The following SNCAIP variants were observed in gnomAD, a reference collection of about 807,000 sequenced individuals.
The protein encoded by SNCAIP is synphilin-1.
SNCAIP carries 43 observed loss-of-function variants against 86.7 expected under a neutral mutation model. The observed-to-expected ratio is 0.50, with a 90% CI of 0.39 to 0.64. SNCAIP has a LOEUF of 0.64. Ranked by LOEUF, SNCAIP falls within the 30% of genes least tolerant of loss-of-function variation. SNCAIP has a pLI of 0.00. For missense variants in SNCAIP, 981 were observed against 1,103.1 expected, an observed-to-expected ratio of 0.89 and a Z score of 1.57; for synonymous variants, 417 against 427.2, an observed-to-expected ratio of 0.98 and a Z score of 0.29.
At chr5:122,317,425 GA>G (rs1200945611) in intron 1 of SNCAIP, among the ~76,000 whole-genome samples, 2 of 152,224 alleles carry the variant, frequency 1.3e-5, no homozygotes, top group African/African-American at 4.8e-5. Flanking sequence ...GAGAAAAAGA[GA>G]ATTCAGGATT....
intron 3 of SNCAIP, among the ~76,000 whole-genome samples, chr5:122,406,068 TG>T (rs1161354429): frequency 1.3e-5 from 2 of 152,152 alleles, no homozygotes; most frequent in African/African-American, 4.8e-5. Context: ...GCTGGGAAAC[TG>T]CATTCTGATA....
At chr5:122,400,893 G>T in intron 2 of SNCAIP, 1 of 1,291,538 alleles carries the variant, frequency 7.7e-7, no homozygotes, top group Non-Finnish European at 1.0e-6. Flanking sequence ...AATAACCTCT[G>T]GAAGACTTCT....
intron 5 of SNCAIP, among the ~76,000 whole-genome samples, chr5:122,428,620 T>A (rs1428997764): frequency 6.6e-6 from 1 of 151,944 alleles, no homozygotes; most frequent in Non-Finnish European, 1.5e-5. Context: ...ATACTTTAAG[T>A]TCTAGGGTAC....
intron 1 of SNCAIP, among the ~76,000 whole-genome samples, chr5:122,362,780 G>A (rs1762443277): frequency 6.6e-6 from 1 of 152,114 alleles, no homozygotes; most frequent in Non-Finnish European, 1.5e-5. Flanking sequence ...AGCGGCCTAG[G>A]CAGTGCCCTC....
intron 3 of SNCAIP, among the ~76,000 whole-genome samples, chr5:122,419,016 G>A (rs557409846): frequency 6.6e-6 from 1 of 152,148 alleles, no homozygotes; most frequent in South Asian, 2.1e-4. Flanking sequence ...GACACAGCAG[G>A]ACTTGGTGCC....
At position 122,451,376 on chromosome 5, in the gene SNCAIP, T is replaced by C. The variant is rs1561807584; in HGVS notation, c.2529T>C (p.Thr843=). Reference sequence around the variant, plus strand: ...AAAAAGACAAAGATAAGGGCAGGACTCTCCAGCGGACCTCCACAAGTAACG... The same window carrying C: ...AAAAAGACAAAGATAAGGGCAGGACCCTCCAGCGGACCTCCACAAGTAACG... ...NGEKDKDKGR[T]LQRTSTSNES... is the part of the protein sequence containing the mutation. Residue 843 remains threonine, a synonymous_variant, in exon 10 of 11, where the codon ACT becomes ACC. Transcript: ENST00000261368. The C allele has an allele frequency of 6.2e-7, 1 of 1,614,084 alleles. No homozygotes were observed. Among genetic ancestry groups the C allele is most frequent in the Non-Finnish European group, 8.5e-7 (1 of 1,179,992 alleles).
chr5:122,424,660 C>G (rs1777021223), intron 4 of SNCAIP, among the ~76,000 whole-genome samples: 1 of 152,148 alleles, frequency 6.6e-6, no homozygotes, highest in Non-Finnish European at 1.5e-5. Flanking sequence ...TTTCCTGGCT[C>G]TTCCCCCTAA....
At chr5:122,378,049 A>C (rs1353064710) in intron 1 of SNCAIP, among the ~76,000 whole-genome samples, 1 of 148,470 alleles carries the variant, frequency 6.7e-6, no homozygotes, top group African/African-American at 2.5e-5. Flanking sequence ...CTTTGGGTAT[A>C]TACCCAGTAA....
At chr5:122,318,521 A>G (rs1346010522) in intron 1 of SNCAIP, among the ~76,000 whole-genome samples, 1 of 152,194 alleles carries the variant, frequency 6.6e-6, no homozygotes, top group Non-Finnish European at 1.5e-5. Context: ...AAATTTTTAA[A>G]TAAATGAGAG....
At chr5:122,436,289 C>T (rs1333045579) in intron 6 of SNCAIP, among the ~76,000 whole-genome samples, 1 of 151,820 alleles carries the variant, frequency 6.6e-6, no homozygotes, top group East Asian at 1.9e-4. Context: ...ATAGAACCTT[C>T]CTCACAGTGT....
chr5:122,420,116 C>G (rs1776078056), intron 3 of SNCAIP, among the ~76,000 whole-genome samples: 1 of 152,170 alleles, frequency 6.6e-6, no homozygotes, highest in Admixed American at 6.5e-5. Context: ...ACAGATCTCA[C>G]TCACAGCCTC....
intron 1 of SNCAIP, chr5:122,323,193 T>G (rs978801320): frequency 1.3e-5 from 2 of 152,208 alleles, no homozygotes; most frequent in African/African-American, 4.8e-5. Flanking sequence ...AATAAGTGAT[T>G]CATTTTCATT....
intron 3 of SNCAIP, among the ~76,000 whole-genome samples, chr5:122,416,883 A>G (rs1347176801): frequency 6.6e-6 from 1 of 152,248 alleles, no homozygotes; most frequent in East Asian, 1.9e-4. Context: ...CTAGGTTTCC[A>G]GTAGCTATGG....
intron 10 of SNCAIP, among the ~76,000 whole-genome samples, chr5:122,459,043 G>T (rs923829285): frequency 6.6e-6 from 1 of 152,134 alleles, no homozygotes; most frequent in Non-Finnish European, 1.5e-5. Flanking sequence ...GGGAAAAATG[G>T]TGTGTTCTTT....
intron 1 of SNCAIP, among the ~76,000 whole-genome samples, chr5:122,362,320 T>C (rs576391357): frequency 1.3e-5 from 2 of 152,256 alleles, no homozygotes; most frequent in African/African-American, 2.4e-5. Flanking sequence ...GACTGTGAGA[T>C]GAATATGGAT....
At chr5:122,392,309 T>A (rs1400414930) in intron 2 of SNCAIP, among the ~76,000 whole-genome samples, 1 of 152,074 alleles carries the variant, frequency 6.6e-6, no homozygotes, top group African/African-American at 2.4e-5. Context: ...TTCCAGACAA[T>A]TTTTATTAGT....
intron 1 of SNCAIP, among the ~76,000 whole-genome samples, chr5:122,376,057 C>T (rs1033774766): frequency 6.6e-6 from 1 of 152,160 alleles, no homozygotes; most frequent in African/African-American, 2.4e-5. Context: ...TTGGGCACCA[C>T]CTTGACCTAT....
At chr5:122,395,315 A>G (rs775717742) in intron 2 of SNCAIP, among the ~76,000 whole-genome samples, 2 of 152,190 alleles carry the variant, frequency 1.3e-5, no homozygotes, top group Non-Finnish European at 2.9e-5. Context: ...ACACATACAG[A>G]CATATACACA....
intron 5 of SNCAIP, among the ~76,000 whole-genome samples, chr5:122,427,417 A>C (rs1464691541): frequency 6.6e-6 from 1 of 151,808 alleles, no homozygotes; most frequent in Admixed American, 6.6e-5. Context: ...TTTCAAACCC[A>C]TAAGACTCAA....
Sources: gnomAD v4.1 joint callset for allele counts (sites outside exome capture counted in the v4.1 genomes callset) on GRCh38, gnomAD v4.1.1 for gene constraint, MANE v1.5 for transcripts, NCBI Gene and HGNC (gene_info 2026-07-23, HGNC 2026-07-21) for gene names.